Variants in SCARA5 observed in about 807,000 individuals in gnomAD.
SCARA5 encodes scavenger receptor class A member 5.
SCARA5 carries 45 observed loss-of-function variants against 46.3 expected under a neutral mutation model. The observed-to-expected ratio is 0.97, with a 90% CI of 0.76 to 1.24. SCARA5 has a LOEUF of 1.24. Among genes scored for constraint, SCARA5 ranks in the 50% most tolerant of loss-of-function variants. The pLI is 0.00. For missense variants in SCARA5, 680 were observed against 689.0 expected (o/e 0.99, Z 0.15); for synonymous variants, 333 against 306.5 (o/e 1.09, Z -0.90).
intron 3 of SCARA5, among the ~76,000 whole-genome samples, chr8:27,929,766 A>T (rs1807740094): frequency 6.6e-6 from 1 of 152,202 alleles, no homozygotes; most frequent in African/African-American, 2.4e-5. Flanking sequence ...CACCTACTGT[A>T]TGCCAAACTT....
chr8:27,932,694 T>C (rs1416423136), intron 3 of SCARA5, among the ~76,000 whole-genome samples: 2 of 152,232 alleles, frequency 1.3e-5, no homozygotes, highest in Non-Finnish European at 2.9e-5. Flanking sequence ...AATGGCGCAA[T>C]CTCGGCTCAC....
At chr8:27,986,658 G>A (rs1173778313) in intron 2 of SCARA5, among the ~76,000 whole-genome samples, 1 of 152,174 alleles carries the variant, frequency 6.6e-6, no homozygotes, top group African/African-American at 2.4e-5. Context: ...TACACTCAGC[G>A]CCTTGTGGGA....
chr8:27,983,455 G>A (rs991867111), intron 2 of SCARA5, among the ~76,000 whole-genome samples: 2 of 152,152 alleles, frequency 1.3e-5, no homozygotes, highest in African/African-American at 2.4e-5. Flanking sequence ...CAGAAGTGAG[G>A]GGAGTCACTC....
chr8:27,905,538 A>AGGCGGGG lies in SCARA5; in HGVS notation c.1097-705_1097-704insCCCCGCC, dbSNP rs1563519490. On this transcript the variant is annotated intron_variant, in intron 6 of 8. Coordinates refer to ENST00000354914, the MANE Select transcript of SCARA5 (RefSeq NM_173833.6). Reference sequence around the variant, plus strand: ...ATCCAAGATTTGGGGGGGGGAAAAAAAAAAGGCAGCCATATACATATATAG... The same window carrying AGGCGGGG: ...ATCCAAGATTTGGGGGGGGGAAAAAAGGCGGGGAAAAGGCAGCCATATACATATATAG... 5.5e-5 allele frequency among the ~76,000 whole-genome samples: 2 copies of AGGCGGGG among 36,564 alleles called. 1 individual carries two copies. Among genetic ancestry groups the AGGCGGGG allele is most frequent in the Non-Finnish European group, 1.8e-4 (2 of 10,948 alleles). 24.0% of individuals were successfully genotyped at this position (36,564 alleles called of 152,430 possible). A position where few individuals can be genotyped will look rare whatever the true frequency, so the allele number is the denominator to read the frequency against.
At chr8:27,957,384 G>A (rs565953805) in intron 3 of SCARA5, among the ~76,000 whole-genome samples, 26 of 152,326 alleles carry the variant, frequency 1.7e-4, no homozygotes, top group Admixed American at 5.9e-4. Context: ...TGTTCTAGGC[G>A]GTTAACACGG....
chr8:27,972,427 T>C (rs570813007), intron 2 of SCARA5, among the ~76,000 whole-genome samples: 1 of 152,336 alleles, frequency 6.6e-6, no homozygotes, highest in South Asian at 2.1e-4. Flanking sequence ...ACCACTATGC[T>C]GTATGTAGCC....
intron 1 of SCARA5, among the ~76,000 whole-genome samples, chr8:27,987,973 G>T (rs1451106481): frequency 6.6e-6 from 1 of 152,192 alleles, no homozygotes; most frequent in Non-Finnish European, 1.5e-5. Flanking sequence ...GCCAGGAGGA[G>T]GGAACCCTGC....
In SCARA5 at chr8:27,955,701, T is replaced by C. The variant is rs185091347; in HGVS notation, c.241+10713A>G. ...GTGAGAGCCCTTCTGCCTCCCCCTT[T>C]TCCCTCCTGGGTGCTTCCACCAAGT... On this transcript the variant is annotated intron_variant, in intron 3 of 8. Coordinates refer to ENST00000354914, the MANE Select transcript of SCARA5 (RefSeq NM_173833.6). Among the ~76,000 whole-genome samples, 531 of 152,344 alleles carry C rather than the reference T, an allele frequency of 3.5e-3. 5 individuals are homozygous for C. The highest frequency in any genetic ancestry group is 0.012 in the African/African-American group (506 of 41,580).
chr8:27,918,201 A>G (rs1429040865), intron 4 of SCARA5, among the ~76,000 whole-genome samples: 2 of 152,180 alleles, frequency 1.3e-5, no homozygotes, highest in East Asian at 1.9e-4. Flanking sequence ...AACCTGGATC[A>G]TTACCAGCCA....
chr8:27,915,492 C>T (rs754718977), intron 4 of SCARA5, among the ~76,000 whole-genome samples: 3 of 152,204 alleles, frequency 2.0e-5, no homozygotes, highest in Non-Finnish European at 4.4e-5. Context: ...TTACCTGTCA[C>T]TCCACTCAGA....
At chr8:27,921,422 A>G (rs1807581370) in intron 4 of SCARA5, 149 bp downstream of exon 4, 2 of 655,696 alleles carry the variant, frequency 3.1e-6, no homozygotes, top group East Asian at 6.3e-5. Context: ...CCTGTAGGGC[A>G]AGACTTAGAG....
chr8:27,926,205 C>T (rs1046197743), intron 3 of SCARA5, among the ~76,000 whole-genome samples: 3 of 152,166 alleles, frequency 2.0e-5, no homozygotes, highest in Non-Finnish European at 4.4e-5. Context: ...GCCAAATGTC[C>T]ATCAATGATA....
intron 4 of SCARA5, among the ~76,000 whole-genome samples, chr8:27,915,552 A>G (rs1807447391): frequency 6.6e-6 from 1 of 152,246 alleles, no homozygotes; most frequent in Non-Finnish European, 1.5e-5. Flanking sequence ...CCAGAGTCCC[A>G]GCATTAGCCT....
rs545045130 is a variant in SCARA5 at position 27,963,597 on chromosome 8, T to C, written c.241+2817A>G. 7.9e-5 allele frequency among the ~76,000 whole-genome samples: 12 copies of C among 152,240 alleles called. No individual in the cohort carries two copies. The South Asian group carries it at 2.1e-3, about 26-fold the overall frequency. Reference sequence around the variant, plus strand: ...TGGATGATGGGCAGAATCCAACTGATAGAATAATTTGGGTGGTGGCCGGAT... The same window carrying C: ...TGGATGATGGGCAGAATCCAACTGACAGAATAATTTGGGTGGTGGCCGGAT... On this transcript the variant is annotated intron_variant, in intron 3 of 8. Transcript: ENST00000354914.
intron 7 of SCARA5, among the ~76,000 whole-genome samples, chr8:27,900,377 G>A (rs1268004727): frequency 2.0e-5 from 3 of 152,176 alleles, no homozygotes; most frequent in Non-Finnish European, 2.9e-5. Context: ...AGGGAAAACT[G>A]TTTAGAAACT....
chr8:27,885,334 C>T (rs1196502699), intron 7 of SCARA5, among the ~76,000 whole-genome samples: 1 of 152,194 alleles, frequency 6.6e-6, no homozygotes, highest in Non-Finnish European at 1.5e-5. Flanking sequence ...TTTTAGATCT[C>T]AGCTTAGATG....
At chr8:27,893,723 C>T (rs1213214506) in intron 7 of SCARA5, among the ~76,000 whole-genome samples, 1 of 152,242 alleles carries the variant, frequency 6.6e-6, no homozygotes, top group African/African-American at 2.4e-5. Context: ...GCCCTGGCAT[C>T]TCTGGACATC....
intron 3 of SCARA5, among the ~76,000 whole-genome samples, chr8:27,963,372 T>A (rs1434506812): frequency 6.6e-6 from 1 of 152,186 alleles, no homozygotes; most frequent in African/African-American, 2.4e-5. Flanking sequence ...GGGAACAGAA[T>A]GAAAACATAA....
At chr8:27,922,701 T>A (rs1807618471) in intron 3 of SCARA5, among the ~76,000 whole-genome samples, 1 of 152,218 alleles carries the variant, frequency 6.6e-6, no homozygotes, top group Admixed American at 6.5e-5. Flanking sequence ...GGTGTTATCC[T>A]CTCAACTTTA....
Sources: allele counts gnomAD v4.1 joint callset (sites outside exome capture counted in the v4.1 genomes callset), GRCh38; gene constraint gnomAD v4.1.1; transcripts MANE v1.5; gene names NCBI Gene and HGNC (gene_info 2026-07-23, HGNC 2026-07-21).